The following IFIT1 variants were observed in gnomAD, a reference collection of about 807,000 sequenced individuals.
IFIT1 encodes the protein interferon induced protein with tetratricopeptide repeats 1.
In IFIT1, 1 loss-of-function variant was observed where a neutral mutation model predicts 2.5. The ratio of observed to expected loss-of-function variants is 0.40; its 90% CI spans 0.14 to 1.92. IFIT1 has a LOEUF of 1.92. Among genes scored for constraint, IFIT1 ranks in the 40% most tolerant of loss-of-function variants. IFIT1 has a pLI of 0.31. For synonymous variants in IFIT1, 191 were observed against 201.7 expected (o/e 0.95, Z 0.45); for missense variants, 508 against 557.8 (o/e 0.91, Z 0.90).
intron 1 of IFIT1, among the ~76,000 whole-genome samples, chr10:89,394,684 GT>G: frequency 6.8e-6 from 1 of 146,048 alleles, no homozygotes; most frequent in Non-Finnish European, 1.5e-5. Flanking sequence ...TAAAATACAT[GT>G]AAAATAAAAT....
chr10:89,396,950 A>G (rs2133620066), intron 1 of IFIT1, among the ~76,000 whole-genome samples: 1 of 152,324 alleles, frequency 6.6e-6, no homozygotes, highest in South Asian at 2.1e-4. Flanking sequence ...GATGAGCTGT[A>G]AATATACTTA....
At chr10:89,401,427 A>T (rs1228848460) in intron 1 of IFIT1, among the ~76,000 whole-genome samples, 1 of 152,066 alleles carries the variant, frequency 6.6e-6, no homozygotes, top group Non-Finnish European at 1.5e-5. Flanking sequence ...AGCCTATATG[A>T]CATTCTTGAA....
intron 1 of IFIT1, among the ~76,000 whole-genome samples, chr10:89,398,429 G>C (rs905589565): frequency 6.6e-6 from 1 of 152,142 alleles, no homozygotes; most frequent in Non-Finnish European, 1.5e-5. Context: ...CCAGCTTCTC[G>C]GGGATGTTCT....
Position 89,402,571 on chromosome 10 carries a change from G to A in IFIT1, c.296G>A (p.Gly99Asp), listed in dbSNP as rs1410550600. The A allele has an allele frequency of 2.5e-6, 4 of 1,613,984 alleles. No individual in the cohort carries two copies. The highest frequency in any genetic ancestry group is 3.4e-6 in the Non-Finnish European group (4 of 1,179,960). The change falls in exon 2 of 2, where the codon GGC becomes GAC. Residue 99 changes from glycine to aspartate, a missense_variant. Gly to Asp is a moderately conservative substitution (Grantham distance 94, BLOSUM62 -1). Transcript: ENST00000371804. ...QANVRSLVTW[G>D]NFAWMYYHMG... Reference sequence around the variant, plus strand: ...AATGTGAGGAGTCTGGTGACCTGGGGCAACTTTGCCTGGATGTATTACCAC... The same window carrying A: ...AATGTGAGGAGTCTGGTGACCTGGGACAACTTTGCCTGGATGTATTACCAC...
At chr10:89,398,577 G>A (rs920721333) in intron 1 of IFIT1, among the ~76,000 whole-genome samples, 1 of 152,120 alleles carries the variant, frequency 6.6e-6, no homozygotes, top group Non-Finnish European at 1.5e-5. Context: ...TTTACTTTCT[G>A]TCTTTATGAA....
rs1844286439 is a variant in IFIT1 at position 89,393,349 on chromosome 10, C to T, written c.5+632C>T. On this transcript the variant is annotated intron_variant, in intron 1 of 1. Coordinates refer to ENST00000371804, the MANE Select transcript of IFIT1 (RefSeq NM_001548.5). ...GGAAAATCTAGGCTCTTGGTACGTCCTTGACTGAAGATGATCCACATCTGC... is the reference window on the plus strand; with the variant it reads ...GGAAAATCTAGGCTCTTGGTACGTCTTTGACTGAAGATGATCCACATCTGC... 5.7e-6 allele frequency: 7 copies of T among 1,227,070 alleles called. No homozygotes were observed. In the South Asian group the frequency reaches 6.5e-5, roughly 11 times the overall value. 76.0% of individuals were successfully genotyped at this position (1,227,070 alleles called of 1,614,324 possible).
intron 1 of IFIT1, chr10:89,392,995 G>A: frequency 1.4e-6 from 1 of 727,210 alleles, no homozygotes; most frequent in South Asian, 1.9e-5. Context: ...GAGTTTTGCA[G>A]GAAGGGAGAA....
At position 89,396,340 on chromosome 10, in the gene IFIT1, G is replaced by T. The variant is rs185390519; in HGVS notation, c.5+3623G>T. Among the ~76,000 whole-genome samples the T allele has an allele frequency of 2.1e-4, 32 of 152,242 alleles. 2 individuals are homozygous for T. Among genetic ancestry groups the T allele is most frequent in the Middle Eastern group, 3.4e-3 (1 of 294 alleles). On this transcript the variant is annotated intron_variant, in intron 1 of 1. Transcript: ENST00000371804. ...TTTCTAAAGAAAAAAGGTTTATTTA[G>T]CTCACAGTTCCGCAGCCCATACAAG... is the stretch of plus-strand genomic sequence containing the variant.
At chr10:89,396,265 C>T (rs956928032) in intron 1 of IFIT1, among the ~76,000 whole-genome samples, 2 of 152,108 alleles carry the variant, frequency 1.3e-5, no homozygotes, top group Non-Finnish European at 2.9e-5. Context: ...TGCCTTAGTC[C>T]TTTTTGTGTT....
At chr10:89,397,008 G>A (rs561368575) in intron 1 of IFIT1, among the ~76,000 whole-genome samples, 31 of 152,148 alleles carry the variant, frequency 2.0e-4, no homozygotes, top group Non-Finnish European at 4.1e-4. Context: ...AAATATATAA[G>A]GATTTGGTTC....
intron 1 of IFIT1, among the ~76,000 whole-genome samples, chr10:89,400,932 C>G (rs1304584911): frequency 6.6e-6 from 1 of 151,406 alleles, no homozygotes; most frequent in African/African-American, 2.4e-5. Flanking sequence ...GAGATAGTTC[C>G]CCTGTATTAG....
Position 89,403,156 on chromosome 10 carries a change from G to A in IFIT1, c.881G>A (p.Cys294Tyr). ...SVLLHHQIGL[C>Y]YKAQMIQIKE... ...TTACTGCATCACCAGATAGGGCTTT[G>A]CTACAAGGCACAAATGATCCAAATC... The change falls in exon 2 of 2, where the codon TGC (cysteine) becomes TAC (tyrosine). Residue 294 changes from cysteine to tyrosine, a missense_variant. By Grantham distance (194) the Cys-to-Tyr change is radical. Coordinates refer to ENST00000371804, the MANE Select transcript of IFIT1 (RefSeq NM_001548.5). 1 of 1,613,954 alleles carries A rather than the reference G, an allele frequency of 6.2e-7. No homozygotes were observed.
In IFIT1 at chr10:89,401,585, G is replaced by A. The variant is rs1459754637; in HGVS notation, c.6-696G>A. ...AGTTTCGTTTCTTTATCAAAGTGGT[G>A]GTCTCATAGGCTTACGTGAAAAAAA... On this transcript the variant is annotated intron_variant, in intron 1 of 1. Coordinates refer to ENST00000371804, the MANE Select transcript of IFIT1 (RefSeq NM_001548.5). Among the ~76,000 whole-genome samples the A allele has an allele frequency of 2.6e-5, 4 of 152,054 alleles. No homozygotes were observed. In the East Asian group the frequency reaches 7.7e-4, roughly 29 times the overall value.
rs1199767310 is a variant in IFIT1 at position 89,393,283 on chromosome 10, C to T, written c.5+566C>T. 5.4e-6 allele frequency: 7 copies of T among 1,289,482 alleles called. No individual in the cohort carries two copies. The African/African-American group carries it at 1.1e-4, about 20-fold the overall frequency. The allele number at this position is 1,289,482 out of a possible 1,614,324, so 79.9% of individuals were successfully genotyped here. A position where few individuals can be genotyped will look rare whatever the true frequency, so the allele number is the denominator to read the frequency against. On this transcript the variant is annotated intron_variant, in intron 1 of 1. Coordinates refer to ENST00000371804, the MANE Select transcript of IFIT1 (RefSeq NM_001548.5). ...GCTGGCCTCTTACAACAGGTTTTCG[C>T]AATCAGGCTGAGCTTAAGATAAACA...
intron 1 of IFIT1, among the ~76,000 whole-genome samples, chr10:89,395,429 C>T (rs303216): frequency 0.17 from 26,418 of 152,150 alleles, 2,936 homozygotes; most frequent in East Asian, 0.45. Context: ...ATATTACCCT[C>T]TTCTCTCTGG....
At chr10:89,398,631 T>C (rs1844378812) in intron 1 of IFIT1, among the ~76,000 whole-genome samples, 2 of 152,238 alleles carry the variant, frequency 1.3e-5, no homozygotes, top group East Asian at 1.9e-4. Flanking sequence ...TCATACAATA[T>C]TGTCCTTTTG....
chr10:89,393,354 C>G, intron 1 of IFIT1: 1 of 1,200,280 alleles, frequency 8.3e-7, no homozygotes, highest in East Asian at 5.7e-5. Context: ...ACGTCCTTGA[C>G]TGAAGATGAT....
chr10:89,403,184 G>A lies in IFIT1; in HGVS notation c.909G>A (p.Lys303=), dbSNP rs1432282896. ...LCYKAQMIQI[K]EATKGQPRGQ... The stretch of plus-strand genomic sequence containing the variant: ...ACAAGGCACAAATGATCCAAATCAA[G>A]GAGGCTACAAAAGGGCAGCCTAGAG... Residue 303 remains lysine (K), a synonymous_variant, in exon 2 of 2, where the codon AAG becomes AAA. Coordinates refer to ENST00000371804, the MANE Select transcript of IFIT1 (RefSeq NM_001548.5). 1.2e-6 allele frequency: 2 copies of A among 1,613,908 alleles called. No individual in the cohort carries two copies. The highest frequency in any genetic ancestry group is 1.7e-6 in the Non-Finnish European group (2 of 1,179,952).
intron 1 of IFIT1, among the ~76,000 whole-genome samples, chr10:89,397,011 T>C (rs1844353631): frequency 6.6e-6 from 1 of 152,198 alleles, no homozygotes. Flanking sequence ...TATATAAGGA[T>C]TTGGTTCTTT....
Sources: allele counts gnomAD v4.1 joint callset (sites outside exome capture counted in the v4.1 genomes callset), GRCh38; gene constraint gnomAD v4.1.1; transcripts MANE v1.5; gene names NCBI Gene and HGNC (gene_info 2026-07-23, HGNC 2026-07-21).